The following GPATCH1 variants were observed in gnomAD, a reference collection of about 807,000 sequenced individuals.
GPATCH1 encodes G-patch domain containing 1.
In GPATCH1, 73 loss-of-function variants were observed where a neutral mutation model predicts 114.9. That is an observed-to-expected ratio of 0.64 (90% CI 0.53 to 0.77). The LOEUF is 0.77. Among genes scored for constraint, GPATCH1 ranks in the 30% least tolerant of loss-of-function variants. The probability of loss-of-function intolerance (pLI) is 0.00; values close to 1 mark genes in which losing one functional copy is unlikely to be tolerated. For synonymous variants in GPATCH1, 391 were observed against 428.4 expected, an observed-to-expected ratio of 0.91 and a Z score of 1.08; for missense variants, 1,058 against 1,144.3, an observed-to-expected ratio of 0.92 and a Z score of 1.09.
intron 15 of GPATCH1, among the ~76,000 whole-genome samples, chr19:33,116,783 C>T (rs1243905034): frequency 6.6e-6 from 1 of 152,184 alleles, no homozygotes; most frequent in Non-Finnish European, 1.5e-5. Context: ...CCCGCCTCGG[C>T]CTCCCAAAGT....
chr19:33,106,579 A>C, intron 9 of GPATCH1, 116 bp from the exon 10 acceptor site: 1 of 767,700 alleles, frequency 1.3e-6, no homozygotes, highest in South Asian at 1.6e-5. Context: ...CTGCCTGCTG[A>C]GTGTTAACCC....
At chr19:33,110,298 T>C (rs1347047243) in intron 11 of GPATCH1, among the ~76,000 whole-genome samples, 1 of 152,200 alleles carries the variant, frequency 6.6e-6, no homozygotes, top group Non-Finnish European at 1.5e-5. Context: ...TGTTTGCAAG[T>C]GCTTGACTGC....
intron 15 of GPATCH1, among the ~76,000 whole-genome samples, chr19:33,115,903 A>C (rs1197866550): frequency 1.3e-5 from 2 of 152,112 alleles, no homozygotes; most frequent in African/African-American, 4.8e-5. Flanking sequence ...TTTTGGATTT[A>C]CGTGTATGAT....
In GPATCH1 at chr19:33,117,882, G is replaced by A. The variant is rs566031651; in HGVS notation, c.2254G>A (p.Asp752Asn). Residue 752 changes from aspartate to asparagine, a missense_variant, in exon 16 of 20, where the codon GAC becomes AAC. By Grantham distance (23) the Asp-to-Asn change is conservative. Transcript: ENST00000170564. ...AGGAGAAGGGAGCCGCCCATCCATG[G>A]ACTTATTCAGGGCCATCTTTGCCAG... ...AEGEGSRPSM[D>N]LFRAIFASSS... 3.7e-6 allele frequency: 6 copies of A among 1,614,030 alleles called. No individual in the cohort carries two copies. In the Middle Eastern group the frequency reaches 5.0e-4, roughly 134 times the overall value.
At chr19:33,105,436 A>C (rs1353819201) in intron 9 of GPATCH1, among the ~76,000 whole-genome samples, 1 of 151,476 alleles carries the variant, frequency 6.6e-6, no homozygotes, top group Admixed American at 6.6e-5. Flanking sequence ...AAAGAAAAAG[A>C]AAAAAGAAAG....
chr19:33,111,002 A>G (rs1335703134), intron 11 of GPATCH1, among the ~76,000 whole-genome samples: 1 of 148,798 alleles, frequency 6.7e-6, no homozygotes, highest in African/African-American at 2.4e-5. Flanking sequence ...TATTATATAT[A>G]TATATACACA....
chr19:33,111,154 T>G (rs777059860), intron 11 of GPATCH1, among the ~76,000 whole-genome samples: 1 of 151,452 alleles, frequency 6.6e-6, no homozygotes, highest in Non-Finnish European at 1.5e-5. Flanking sequence ...TGCCTCAGCC[T>G]TCTGAGCAGC....
rs776433693 is a variant in GPATCH1 at position 33,114,414 on chromosome 19, A to G, written c.2191A>G (p.Asn731Asp). Residue 731 changes from asparagine to aspartate, a missense_variant, in exon 15 of 20, where the codon AAT becomes GAT. Transcript: ENST00000170564. ...EEEHAPELSA[N>D]QTVNKDVDAQ... The stretch of plus-strand genomic sequence containing the variant: ...AGAGCATGCACCAGAATTATCCGCA[A>G]ATCAGGTATTTGGGGCTTCCAGATT... 3 of 1,592,002 alleles carry G rather than the reference A, an allele frequency of 1.9e-6. No individual in the cohort carries two copies. Among genetic ancestry groups the G allele is most frequent in the Non-Finnish European group, 2.6e-6 (3 of 1,173,522 alleles).
At chr19:33,098,343 C>T (rs1299021935) in intron 8 of GPATCH1, among the ~76,000 whole-genome samples, 1 of 152,210 alleles carries the variant, frequency 6.6e-6, no homozygotes, top group African/African-American at 2.4e-5. Flanking sequence ...GCGCCCAGTC[C>T]GTCTTCTCCC....
chr19:33,097,990 C>T (rs1413101710), intron 8 of GPATCH1, 88 bp downstream of exon 8: 7 of 1,222,476 alleles, frequency 5.7e-6, no homozygotes, highest in Non-Finnish European at 8.2e-6. Flanking sequence ...GGAGCACCAG[C>T]CTCTGTTGTT....
At chr19:33,111,673 C>G (rs1467941466) in intron 11 of GPATCH1, 51 bp from the exon 12 acceptor site, 1 of 1,543,858 alleles carries the variant, frequency 6.5e-7, no homozygotes, top group Non-Finnish European at 8.9e-7. Flanking sequence ...CTCTTGTAAG[C>G]CCCATGTTTT....
At chr19:33,086,692 G>A (rs1972537582) in intron 1 of GPATCH1, among the ~76,000 whole-genome samples, 1 of 152,148 alleles carries the variant, frequency 6.6e-6, no homozygotes, top group African/African-American at 2.4e-5. Flanking sequence ...CTGACCTCAG[G>A]TGATCCACCC....
intron 6 of GPATCH1, 58 bp from the exon 7 acceptor site, chr19:33,096,149 G>A (rs1425988742): frequency 5.8e-6 from 9 of 1,562,074 alleles, no homozygotes; most frequent in Non-Finnish European, 7.9e-6. Flanking sequence ...TTAGTATTTT[G>A]TGGGTTTACT....
intron 9 of GPATCH1, among the ~76,000 whole-genome samples, chr19:33,102,128 G>A (rs1313602122): frequency 6.6e-6 from 1 of 151,758 alleles, no homozygotes; most frequent in African/African-American, 2.4e-5. Flanking sequence ...GAGGTTAGGA[G>A]TTTGAGACCA....
rs1972677131 is a variant in GPATCH1, at chr19:33,097,641, T to G, written c.853-114T>G. On this transcript the variant is annotated intron_variant, in intron 7 of 19. Transcript: ENST00000170564. ...GGACCCCCGTTCACTTCTCTCTTGG[T>G]GATCTTGAAGTGCTAACATGGTTTC... The G allele has an allele frequency of 9.6e-6, 9 of 934,450 alleles. No individual in the cohort carries two copies. In the South Asian group the frequency reaches 1.4e-4, roughly 15 times the overall value. The allele number at this position is 934,450 out of a possible 1,614,324, so 57.9% of individuals were successfully genotyped here.
At position 33,093,444 on chromosome 19, in the gene GPATCH1, A is replaced by G; in HGVS notation, c.380A>G (p.Lys127Arg). The G allele has an allele frequency of 6.2e-7, 1 of 1,613,990 alleles. No homozygotes were observed. The highest frequency in any genetic ancestry group is 8.5e-7 in the Non-Finnish European group (1 of 1,179,894). Residue 127 changes from lysine (K) to arginine (R), a missense_variant, in exon 4 of 20, where the codon AAG (lysine) becomes AGG (arginine). Lys to Arg is a conservative substitution (Grantham distance 26). Transcript: ENST00000170564. Reference protein sequence around the residue: ...ASKTKDRIREKARQLAAATAP... With the variant: ...ASKTKDRIRERARQLAAATAP... ...AAAACCAAAGACAGAATACGAGAAA[A>G]GGCTAGGCAGTTGGCCGCTGCTACT... is the stretch of plus-strand genomic sequence containing the variant.
chr19:33,123,354 C>T (rs754747632), intron 17 of GPATCH1, among the ~76,000 whole-genome samples: 8 of 150,922 alleles, frequency 5.3e-5, no homozygotes, highest in Admixed American at 2.0e-4. Flanking sequence ...GAGCTGAGAT[C>T]GCACCATTGC....
At chr19:33,117,739 T>G (rs972670745) in intron 15 of GPATCH1, 86 bp from the exon 16 acceptor site, 1 of 894,122 alleles carries the variant, frequency 1.1e-6, no homozygotes, top group Non-Finnish European at 1.9e-6. Context: ...AACATAAATA[T>G]GTGTGTCTGG....
intron 8 of GPATCH1, among the ~76,000 whole-genome samples, chr19:33,099,058 A>G (rs993626282): frequency 1.3e-5 from 2 of 148,596 alleles, no homozygotes; most frequent in African/African-American, 4.9e-5. Context: ...ATATCATAAT[A>G]TACTATTTAA....
Sources: gnomAD v4.1 joint callset for allele counts (sites outside exome capture counted in the v4.1 genomes callset) on GRCh38, gnomAD v4.1.1 for gene constraint, MANE v1.5 for transcripts, NCBI Gene and HGNC (gene_info 2026-07-23, HGNC 2026-07-21) for gene names.